Variants in RASGRF2 observed in about 807,000 individuals in gnomAD.
The protein encoded by RASGRF2 is Ras protein specific guanine nucleotide releasing factor 2, also known as ras-specific guanine nucleotide-releasing factor 2.
In RASGRF2, 76 loss-of-function variants were observed where a neutral mutation model predicts 151.0. The observed-to-expected ratio is 0.50, with a 90% CI of 0.42 to 0.61. The LOEUF (loss-of-function observed/expected upper bound fraction) is 0.61. Among genes scored for constraint, RASGRF2 ranks in the 20% least tolerant of loss-of-function variants. The pLI, the probability that RASGRF2 is intolerant of heterozygous loss-of-function variation, is 0.00. For synonymous variants in RASGRF2, 504 were observed against 566.5 expected (o/e 0.89, Z 1.57); for missense variants, 1,148 against 1,564.6 (o/e 0.73, Z 4.49).
intron 8 of RASGRF2, among the ~76,000 whole-genome samples, chr5:81,086,330 T>C (rs565317862): frequency 1.3e-5 from 2 of 152,176 alleles, no homozygotes; most frequent in East Asian, 3.9e-4. Flanking sequence ...CTGGGCAACA[T>C]AGCGAGACCC....
rs1002753791 is a variant in RASGRF2, at chr5:81,228,971, G to A, written c.*3201G>A. 6.6e-6 allele frequency: 1 copy of A among 152,084 alleles called. No homozygotes were observed. The highest frequency in any genetic ancestry group is 6.6e-5 in the Admixed American group (1 of 15,266). The allele number at this position is 152,084 out of a possible 1,614,324, so 9.4% of individuals were successfully genotyped here. The stretch of plus-strand genomic sequence containing the variant: ...CACCTGGAAGAGAAAAATCCATTAT[G>A]GTCCCATGTGGAGTGAATAATGATG... On this transcript the variant is annotated 3_prime_UTR_variant, in exon 27 of 27. Transcript: ENST00000265080.
At chr5:81,003,243 G>C (rs1173650950) in intron 1 of RASGRF2, among the ~76,000 whole-genome samples, 1 of 109,902 alleles carries the variant, frequency 9.1e-6, no homozygotes, top group Non-Finnish European at 1.8e-5. Flanking sequence ...TTTTTTTTGA[G>C]ACGGAGTCTC....
chr5:81,032,532 C>T (rs1439081734), intron 1 of RASGRF2, among the ~76,000 whole-genome samples: 4 of 152,064 alleles, frequency 2.6e-5, no homozygotes, highest in African/African-American at 4.8e-5. Context: ...ATAAACAGAA[C>T]CAAAGACAAA....
At chr5:81,196,705 C>T (rs1032454955) in intron 18 of RASGRF2, among the ~76,000 whole-genome samples, 1 of 151,288 alleles carries the variant, frequency 6.6e-6, no homozygotes, top group African/African-American at 2.4e-5. Context: ...TGACCCTCAG[C>T]ACGGTCTAAA....
intron 19 of RASGRF2, among the ~76,000 whole-genome samples, chr5:81,203,889 C>T (rs540127723): frequency 2.0e-5 from 3 of 152,316 alleles, no homozygotes; most frequent in Admixed American, 1.3e-4. Context: ...GTAGTTTCTG[C>T]CGTTAAGGCC....
intron 20 of RASGRF2, 42 bp downstream of exon 20, chr5:81,206,947 A>G (rs1755521704): frequency 6.9e-7 from 1 of 1,458,016 alleles, no homozygotes; most frequent in African/African-American, 1.4e-5. Flanking sequence ...CTATGTGCAA[A>G]CTACCTCTCC....
intron 19 of RASGRF2, among the ~76,000 whole-genome samples, chr5:81,202,394 A>G (rs1755417145): frequency 6.6e-6 from 1 of 152,182 alleles, no homozygotes; most frequent in South Asian, 2.1e-4. Context: ...TGTTTGTGTC[A>G]TCCACAGGCA....
intron 17 of RASGRF2, among the ~76,000 whole-genome samples, chr5:81,161,293 C>T (rs1383892343): frequency 2.6e-5 from 4 of 152,154 alleles, no homozygotes; most frequent in African/African-American, 4.8e-5. Flanking sequence ...AAACTCTAGG[C>T]ATTTTTGATA....
intron 17 of RASGRF2, among the ~76,000 whole-genome samples, chr5:81,130,800 C>T (rs1753597609): frequency 6.6e-6 from 1 of 152,106 alleles, no homozygotes; most frequent in African/African-American, 2.4e-5. Context: ...CCCATGCTTT[C>T]ATCAGTGTCT....
intron 14 of RASGRF2, among the ~76,000 whole-genome samples, chr5:81,113,075 T>C (rs1362144808): frequency 3.9e-5 from 6 of 152,226 alleles, no homozygotes; most frequent in Admixed American, 1.3e-4. Flanking sequence ...CAGTTGGCCT[T>C]TGCTTGTTCT....
chr5:81,005,992 C>A (rs748029742), intron 1 of RASGRF2, among the ~76,000 whole-genome samples: 3 of 152,132 alleles, frequency 2.0e-5, no homozygotes, highest in Non-Finnish European at 2.9e-5. Context: ...AGGTCGCTTC[C>A]AAGTTCAAAT....
intron 15 of RASGRF2, 112 bp from the exon 16 acceptor site, chr5:81,123,530 C>G (rs26891): frequency 0.3 from 388,564 of 1,285,546 alleles, 60,308 homozygotes; most frequent in Middle Eastern, 0.44. Context: ...TATTAAAGCC[C>G]TTTAATGAAA....
chr5:80,976,978 A>G (rs1435266565), intron 1 of RASGRF2, among the ~76,000 whole-genome samples: 2 of 152,288 alleles, frequency 1.3e-5, no homozygotes, highest in African/African-American at 2.4e-5. Flanking sequence ...CCTTAGATGT[A>G]CATGGTCTTT....
At chr5:81,123,528 C>A in intron 15 of RASGRF2, 114 bp from the exon 16 acceptor site, 1 of 1,231,872 alleles carries the variant, frequency 8.1e-7, no homozygotes, top group Non-Finnish European at 1.1e-6. Flanking sequence ...CATATTAAAG[C>A]CCTTTAATGA....
At chr5:81,116,550 T>C (rs1195714054) in intron 15 of RASGRF2, among the ~76,000 whole-genome samples, 2 of 151,734 alleles carry the variant, frequency 1.3e-5, no homozygotes, top group African/African-American at 4.9e-5. Flanking sequence ...CTAGAGAATC[T>C]TTCTTCTCCT....
At chr5:81,164,911 G>A (rs533792639) in intron 17 of RASGRF2, among the ~76,000 whole-genome samples, 1 of 152,314 alleles carries the variant, frequency 6.6e-6, no homozygotes, top group South Asian at 2.1e-4. Context: ...TCAGTAATCT[G>A]TGTTGAAAGT....
intron 17 of RASGRF2, among the ~76,000 whole-genome samples, chr5:81,139,139 T>A (rs1753823631): frequency 6.6e-6 from 1 of 152,216 alleles, no homozygotes; most frequent in Non-Finnish European, 1.5e-5. Flanking sequence ...TTCCTAAGTA[T>A]TTGACTCTTT....
At position 81,082,488 on chromosome 5, in the gene RASGRF2, C is replaced by T. The variant is rs74678453; in HGVS notation, c.1161+1699C>T. Among the ~76,000 whole-genome samples the T allele has an allele frequency of 7.9e-4, 120 of 152,272 alleles. No individual in the cohort carries two copies. The East Asian group carries it at 0.021, about 27-fold the overall frequency. On this transcript the variant is annotated intron_variant, in intron 7 of 26. Transcript: ENST00000265080. ...AGACCTGATGTCTCACTCATAGCATCGGGGAAAATAATTGAACCAAACTAA... is the reference window on the plus strand; with the variant it reads ...AGACCTGATGTCTCACTCATAGCATTGGGGAAAATAATTGAACCAAACTAA...
chr5:81,216,386 A>ACACAC (rs1561264589), intron 24 of RASGRF2, among the ~76,000 whole-genome samples: 2 of 114,186 alleles, frequency 1.8e-5, no homozygotes, highest in African/African-American at 3.4e-5. Context: ...CACACACACA[A>ACACAC]ACACACACAC....
Sources: gnomAD v4.1 joint callset for allele counts (sites outside exome capture counted in the v4.1 genomes callset) on GRCh38, gnomAD v4.1.1 for gene constraint, MANE v1.5 for transcripts, NCBI Gene and HGNC (gene_info 2026-07-23, HGNC 2026-07-21) for gene names.